The following EIF5B variants were observed in gnomAD, a reference collection of about 807,000 sequenced individuals.
EIF5B encodes eukaryotic translation initiation factor 5B, also known as eIF-5B.
Under a neutral mutation model 147.5 loss-of-function variants are expected in EIF5B, and 47 were observed. The ratio of observed to expected loss-of-function variants is 0.32; its 90% confidence interval spans 0.25 to 0.41. EIF5B has a LOEUF of 0.41. Ranked by LOEUF, EIF5B falls within the 10% of genes least tolerant of loss-of-function variation. The probability of loss-of-function intolerance (pLI) is 1.00; values close to 1 mark genes in which losing one functional copy is unlikely to be tolerated. For synonymous variants in EIF5B, 455 were observed against 456.2 expected, an observed-to-expected ratio of 1.00 and a Z score of 0.03; for missense variants, 1,064 against 1,413.2, an observed-to-expected ratio of 0.75 and a Z score of 3.96.
At position 99,338,975 on chromosome 2, in the gene EIF5B, T is replaced by G. The variant is rs1236084561; in HGVS notation, c.35+1386T>G. Among the ~76,000 whole-genome samples the G allele has an allele frequency of 3.5e-5, 5 of 144,208 alleles. No homozygotes were observed. In the East Asian group the frequency reaches 1.0e-3, roughly 29 times the overall value. The allele number at this position is 144,208 out of a possible 152,430, so 94.6% of individuals were successfully genotyped here. ...ACACACATATATATAAATATATATATATACAAATATATACACAAATATATA... is the reference window on the plus strand; with the variant it reads ...ACACACATATATATAAATATATATAGATACAAATATATACACAAATATATA... On this transcript the variant is annotated intron_variant, in intron 1 of 23. Transcript: ENST00000289371.
chr2:99,358,456 G>A (rs1190340215), intron 1 of EIF5B, among the ~76,000 whole-genome samples: 2 of 152,168 alleles, frequency 1.3e-5, no homozygotes, highest in East Asian at 1.9e-4. Flanking sequence ...TCTCCGACTC[G>A]TGTGATCCTG....
At chr2:99,387,384 T>A (rs1674835046) in intron 14 of EIF5B, among the ~76,000 whole-genome samples, 1 of 152,176 alleles carries the variant, frequency 6.6e-6, no homozygotes, top group East Asian at 1.9e-4. Context: ...TCCATAGAAA[T>A]ATTTTGTTAT....
chr2:99,346,367 T>C (rs1367417019), intron 1 of EIF5B, among the ~76,000 whole-genome samples: 1 of 152,048 alleles, frequency 6.6e-6, no homozygotes, highest in Non-Finnish European at 1.5e-5. Context: ...GTCTTGAGAG[T>C]GGTTGTCTAC....
chr2:99,367,564 G>T (rs980233734), intron 6 of EIF5B, among the ~76,000 whole-genome samples: 2 of 151,788 alleles, frequency 1.3e-5, no homozygotes, highest in Non-Finnish European at 2.9e-5. Context: ...AGCCTCCTGA[G>T]TAGCTGGGAT....
intron 1 of EIF5B, among the ~76,000 whole-genome samples, chr2:99,357,064 A>G (rs1674111853): frequency 6.6e-6 from 1 of 152,170 alleles, no homozygotes; most frequent in Non-Finnish European, 1.5e-5. Flanking sequence ...TAGTATCCTC[A>G]GAGCTCTATT....
At chr2:99,374,764 G>C (rs544694733) in intron 9 of EIF5B, among the ~76,000 whole-genome samples, 1 of 152,220 alleles carries the variant, frequency 6.6e-6, no homozygotes, top group Non-Finnish European at 1.5e-5. Context: ...TATTCTACTT[G>C]TAGAGCTTTA....
At chr2:99,338,228 A>G in intron 1 of EIF5B, 1 of 949,286 alleles carries the variant, frequency 1.1e-6, no homozygotes, top group South Asian at 1.4e-5. Flanking sequence ...GGAAGGGAAG[A>G]AGAAGAAACC....
rs146377515 is a variant in EIF5B at position 99,401,292 on chromosome 2, A to G, written c.*1878A>G. 3,661 of 1,613,922 alleles carry G rather than the reference A, an allele frequency of 2.3e-3. 87 individuals carry two copies. Among genetic ancestry groups the G allele is most frequent in the Non-Finnish European group, 2.1e-4 (243 of 1,179,862 alleles). ...AAGTTTGTTGTAAAACCACCTGGAC[A>G]TTGTCAAGAATAAAGTCAAATGCCA... On this transcript the variant is annotated 3_prime_UTR_variant, in exon 24 of 24. Coordinates refer to ENST00000289371, the MANE Select transcript of EIF5B (RefSeq NM_015904.4).
chr2:99,354,495 CAT>C (rs1674049859), intron 1 of EIF5B, among the ~76,000 whole-genome samples: 1 of 152,182 alleles, frequency 6.6e-6, no homozygotes, highest in African/African-American at 2.4e-5. Flanking sequence ...ATTCCCTTCA[CAT>C]AGTCTTTCAC....
chr2:99,388,243 T>C (rs528423245), intron 14 of EIF5B, among the ~76,000 whole-genome samples: 46 of 152,328 alleles, frequency 3.0e-4, no homozygotes, highest in South Asian at 2.3e-3. Context: ...TAAATGCAGT[T>C]ATGTTTTTTT....
chr2:99,338,965 A>AAT (rs10554748), intron 1 of EIF5B, among the ~76,000 whole-genome samples: 40 of 137,568 alleles, frequency 2.9e-4, no homozygotes, highest in Middle Eastern at 7.9e-3. Flanking sequence ...CATATATATA[A>AAT]ATATATATAT....
rs1238322283 is a variant in EIF5B at position 99,396,742 on chromosome 2, TTTC to T, written c.3255-15_3255-13del. The T allele has an allele frequency of 1.9e-6, 3 of 1,580,344 alleles. No individual in the cohort carries two copies. The highest frequency in any genetic ancestry group is 1.7e-6 in the Non-Finnish European group (2 of 1,169,982). ...AGTGATTCTGTAAGCTTAAAATTCT[TTTC>T]TTTTTTCCTTTCAGGCACATAGCAG... is the stretch of plus-strand genomic sequence containing the variant. On this transcript the variant is annotated splice_polypyrimidine_tract_variant and intron_variant, in intron 21 of 23. Transcript: ENST00000289371.
rs543960611 is a variant in EIF5B at position 99,374,840 on chromosome 2, A to G, written c.1553-1507A>G. ...AGTCATTTTCTCCCTCAGAATTCCA[A>G]TGATGTCTCTGATAGGCCCTCTTAT... is the stretch of plus-strand genomic sequence containing the variant. On this transcript the variant is annotated intron_variant, in intron 9 of 23. Coordinates refer to ENST00000289371, the MANE Select transcript of EIF5B (RefSeq NM_015904.4). 1.1e-3 allele frequency among the ~76,000 whole-genome samples: 165 copies of G among 152,072 alleles called. No homozygotes were observed. The Middle Eastern group carries it at 0.017, about 16-fold the overall frequency.
intron 16 of EIF5B, 30 bp from the exon 17 acceptor site, chr2:99,390,514 T>A (rs1203995170): frequency 6.3e-7 from 1 of 1,599,192 alleles, no homozygotes; most frequent in Non-Finnish European, 8.5e-7. Flanking sequence ...ATTGTATGTA[T>A]GTCTTTCTCT....
intron 4 of EIF5B, among the ~76,000 whole-genome samples, chr2:99,362,482 C>T (rs1227036439): frequency 1.3e-5 from 2 of 151,934 alleles, no homozygotes; most frequent in African/African-American, 4.8e-5. Context: ...AGGCAGATCA[C>T]GAGGTCAGGA....
chr2:99,386,707 C>G (rs112226169), intron 14 of EIF5B, among the ~76,000 whole-genome samples: 1 of 137,502 alleles, frequency 7.3e-6, no homozygotes, highest in Non-Finnish European at 1.6e-5. Context: ...TTGTTTTTTT[C>G]TGGGGGGCGG....
chr2:99,399,013 T>C, intron 23 of EIF5B, 104 bp downstream of exon 23: 1 of 1,330,548 alleles, frequency 7.5e-7, no homozygotes, highest in African/African-American at 1.5e-5. Flanking sequence ...TTGTAGAATC[T>C]GATGGGACTG....
intron 9 of EIF5B, among the ~76,000 whole-genome samples, chr2:99,373,533 C>T (rs1454135826): frequency 6.6e-6 from 1 of 152,142 alleles, no homozygotes; most frequent in African/African-American, 2.4e-5. Context: ...CCTTCCCCAC[C>T]ACCCTCCTAC....
At chr2:99,344,230 T>C (rs1164046646) in intron 1 of EIF5B, among the ~76,000 whole-genome samples, 1 of 152,162 alleles carries the variant, frequency 6.6e-6, no homozygotes, top group East Asian at 1.9e-4. Flanking sequence ...TGCATTCTTT[T>C]ATATGTGGAT....
Sources: gnomAD v4.1 joint callset for allele counts (sites outside exome capture counted in the v4.1 genomes callset) on GRCh38, gnomAD v4.1.1 for gene constraint, MANE v1.5 for transcripts, NCBI Gene and HGNC (gene_info 2026-07-23, HGNC 2026-07-21) for gene names.